The following NUAK2 variants were observed in gnomAD, a reference collection of about 807,000 sequenced individuals.
NUAK2 encodes the protein NUAK family SNF1-like kinase 2.
A neutral mutation model predicts 29.8 loss-of-function variants in NUAK2; 20 were observed. That is an observed-to-expected ratio of 0.67 (90% confidence interval 0.47 to 0.98). The LOEUF is 0.98. NUAK2 is among the 50% of genes least tolerant of loss of function. The pLI is 0.00. For synonymous variants in NUAK2, 331 were observed against 342.6 expected, an observed-to-expected ratio of 0.97 and a Z score of 0.37; for missense variants, 719 against 834.5, an observed-to-expected ratio of 0.86 and a Z score of 1.71.
At chr1:205,306,905 T>A (rs1042894442) in intron 4 of NUAK2, among the ~76,000 whole-genome samples, 3 of 152,310 alleles carry the variant, frequency 2.0e-5, no homozygotes, top group Non-Finnish European at 1.5e-5. Context: ...ACGTAAGACT[T>A]GAGCTGCCCT....
In NUAK2 at chr1:205,302,618, G is replaced by A. The variant is rs1305215796; in HGVS notation, c.*832C>T. 1 of 152,328 alleles carries A rather than the reference G, an allele frequency of 6.6e-6. No individual in the cohort carries two copies. The highest frequency in any genetic ancestry group is 1.5e-5 in the Non-Finnish European group (1 of 68,130). The allele number at this position is 152,328 out of a possible 1,614,324, so 9.4% of individuals were successfully genotyped here. A position where few individuals can be genotyped will look rare whatever the true frequency, so the allele number is the denominator to read the frequency against. ...TAAATAAGGAAGGGTTAGGTGGGGC[G>A]CGGTGGCTCACGCCTGTAATCCCAG... On this transcript the variant is annotated 3_prime_UTR_variant, in exon 7 of 7. Coordinates refer to ENST00000367157, the MANE Select transcript of NUAK2 (RefSeq NM_030952.3).
Position 205,321,723 on chromosome 1 carries a change from G to T in NUAK2, c.-95C>A. ...CACAGGTCCCGCACCAGGACGGGGA[G>T]CCACAGCAGTACCAGAGCGCGCAGT... On this transcript the variant is annotated 5_prime_UTR_variant, in exon 1 of 7. Coordinates refer to ENST00000367157, the MANE Select transcript of NUAK2 (RefSeq NM_030952.3). The T allele has an allele frequency of 1.0e-6, 1 of 994,774 alleles. No homozygotes were observed. Among genetic ancestry groups the T allele is most frequent in the Non-Finnish European group, 1.5e-6 (1 of 669,690 alleles). 61.6% of individuals were successfully genotyped at this position (994,774 alleles called of 1,614,324 possible). A position where few individuals can be genotyped will look rare whatever the true frequency, so the allele number is the denominator to read the frequency against.
At chr1:205,305,834 C>T (rs1299999353) in intron 5 of NUAK2, among the ~76,000 whole-genome samples, 5 of 152,176 alleles carry the variant, frequency 3.3e-5, no homozygotes, top group African/African-American at 1.2e-4. Context: ...GCCTCAGCCT[C>T]CCAAGTAACT....
rs139995235 is a variant in NUAK2 at position 205,317,096 on chromosome 1, A to C, written c.231+4302T>G. Among the ~76,000 whole-genome samples, 1,491 of 152,130 alleles carry C rather than the reference A, an allele frequency of 9.8e-3. 11 individuals carry two copies. Among genetic ancestry groups the C allele is most frequent in the Admixed American group, 0.016 (238 of 15,274 alleles). ...GTAGTATCACCAGCCACCCCATCCC[A>C]CTTACAGATATACAAATATGCCCAC... is the stretch of plus-strand genomic sequence containing the variant. On this transcript the variant is annotated intron_variant, in intron 1 of 6. Transcript: ENST00000367157.
chr1:205,319,534 G>A (rs908202610), intron 1 of NUAK2, among the ~76,000 whole-genome samples: 7 of 151,874 alleles, frequency 4.6e-5, no homozygotes, highest in Admixed American at 6.6e-5. Flanking sequence ...CAGTCCCCAC[G>A]ACCCAGTGTC....
At chr1:205,305,804 C>A (rs1662171794) in intron 5 of NUAK2, among the ~76,000 whole-genome samples, 1 of 152,166 alleles carries the variant, frequency 6.6e-6, no homozygotes. Context: ...CTCTGCCTCC[C>A]AGGTTCAAGT....
At position 205,306,243 on chromosome 1, in the gene NUAK2, C is replaced by A; in HGVS notation, c.635G>T (p.Ser212Ile). 6.2e-7 allele frequency: 1 copy of A among 1,613,990 alleles called. No homozygotes were observed. Among genetic ancestry groups the A allele is most frequent in the Non-Finnish European group, 8.5e-7 (1 of 1,179,910 alleles). ...AATCTCTGGCGAGGCATAGAGGGGG[C>A]TCCCACAGAATGTCTGCAGGAACTT... Reference protein sequence around the residue: ...QGKFLQTFCGSPLYASPEIVN... With the variant: ...QGKFLQTFCGIPLYASPEIVN... Residue 212 changes from serine (S) to isoleucine (I), a missense_variant, in exon 5 of 7, where the codon AGC becomes ATC. By Grantham distance (142) the Ser-to-Ile change is moderately radical (BLOSUM62 -2). This residue lies in a region of NUAK2 where 283 missense variants were observed against 345.6 expected (regional missense o/e 0.82). Coordinates refer to ENST00000367157, the MANE Select transcript of NUAK2 (RefSeq NM_030952.3).
rs187784589 is a variant in NUAK2 at position 205,305,187 on chromosome 1, C to A, written c.823+12G>T. 3.1e-6 allele frequency: 5 copies of A among 1,613,072 alleles called. No individual in the cohort carries two copies. The African/African-American group carries it at 6.7e-5, about 21-fold the overall frequency. The stretch of plus-strand genomic sequence containing the variant: ...CCAGGCCTGGATAAGAACGCCCACA[C>A]CTCTTACTCACCAGAGGGTTTAGGT... On this transcript the variant is annotated intron_variant, in intron 6 of 6. Coordinates refer to ENST00000367157, the MANE Select transcript of NUAK2 (RefSeq NM_030952.3).
chr1:205,321,624 T>G lies in NUAK2; in HGVS notation c.5A>C (p.Glu2Ala). 6.2e-7 allele frequency: 1 copy of G among 1,608,918 alleles called. No homozygotes were observed. Among genetic ancestry groups the G allele is most frequent in the South Asian group, 1.1e-5 (1 of 90,958 alleles). ...GGAGCGCCGCGCGAAAACCAGCGAC[T>G]CCATGGCGAGCAGGAGGTGAGCAAG... MESLVFARRSGP... is the reference protein window; with the variant it reads MASLVFARRSGP... The change falls in exon 1 of 7, where the codon GAG (glutamate) becomes GCG (alanine). Residue 2 changes from glutamate to alanine, a missense_variant. Glu to Ala is a moderately radical substitution (Grantham distance 107, BLOSUM62 -1). Transcript: ENST00000367157.
chr1:205,305,024 C>T (rs1365970214), intron 6 of NUAK2, among the ~76,000 whole-genome samples, 175 bp downstream of exon 6: 1 of 152,234 alleles, frequency 6.6e-6, no homozygotes, highest in Non-Finnish European at 1.5e-5. Flanking sequence ...AAAGAGCTAT[C>T]CCCTCCTTCC....
Position 205,306,214 on chromosome 1 carries a change from T to A in NUAK2, c.664A>T (p.Asn222Tyr), listed in dbSNP as rs150757729. 1 of 1,613,462 alleles carries A rather than the reference T, an allele frequency of 6.2e-7. No homozygotes were observed. Among genetic ancestry groups the A allele is most frequent in the Non-Finnish European group, 8.5e-7 (1 of 1,179,730 alleles). The change falls in exon 5 of 7, where the codon AAT becomes TAT. Residue 222 changes from asparagine (N) to tyrosine (Y), a missense_variant. Physicochemically the swap from Asn to Tyr is moderately radical, Grantham distance 143. Around this residue, in one of 3 missense-constraint regions of NUAK2, gnomAD observed 283 missense variants for 345.6 expected, o/e 0.82. Coordinates refer to ENST00000367157, the MANE Select transcript of NUAK2 (RefSeq NM_030952.3). ...TCTGGGCCTGTGTAGGGCTTCCCAT[T>A]GACAATCTCTGGCGAGGCATAGAGG... ...SPLYASPEIV[N>Y]GKPYTGPEVD...
rs754023622 is a variant in NUAK2 at position 205,303,684 on chromosome 1, A to C, written c.1653T>G (p.Ser551=). Residue 551 remains serine, a synonymous_variant, in exon 7 of 7, where the codon TCT becomes TCG. Coordinates refer to ENST00000367157, the MANE Select transcript of NUAK2 (RefSeq NM_030952.3). ...GAVSEDSILS[S]ESFDQLDLPE... is the part of the protein sequence containing the mutation. ...GCAAGTCCAGCTGGTCAAAGGACTC[A>C]GAGGACAGGATGCTGTCCTCGCTCA... 5.2e-6 allele frequency: 8 copies of C among 1,552,578 alleles called. No individual in the cohort carries two copies. The South Asian group carries it at 9.8e-5, about 19-fold the overall frequency.
chr1:205,321,383 G>T lies in NUAK2; in HGVS notation c.231+15C>A, dbSNP rs1166148940. The T allele has an allele frequency of 3.8e-6, 6 of 1,598,814 alleles. No individual in the cohort carries two copies. The highest frequency in any genetic ancestry group is 8.5e-7 in the Non-Finnish European group (1 of 1,172,098). On this transcript the variant is annotated intron_variant, in intron 1 of 6. Coordinates refer to ENST00000367157, the MANE Select transcript of NUAK2 (RefSeq NM_030952.3). ...CCGGAGCCCGCCCCGCGCCGCGAGA[G>T]GGAGCCGCACTCACCAGGCGCCCCG...
intron 1 of NUAK2, among the ~76,000 whole-genome samples, chr1:205,314,661 A>G (rs1410202422): frequency 6.6e-6 from 1 of 152,238 alleles, no homozygotes; most frequent in Non-Finnish European, 1.5e-5. Flanking sequence ...AAAATAAAAC[A>G]ATGGATAAAG....
rs535358451 is a variant in NUAK2, at chr1:205,311,773, A to G, written c.284T>C (p.Met95Thr). ...KDKIKDEQDL[M>T]HIRREIEIMS... is the part of the protein sequence containing the mutation. ...GATCTCAATCTCCCTCCGTATGTGCATCAGATCTTGCTCATCTTTGATTTT... is the reference window on the plus strand; with the variant it reads ...GATCTCAATCTCCCTCCGTATGTGCGTCAGATCTTGCTCATCTTTGATTTT... Residue 95 changes from methionine (M) to threonine (T), a missense_variant, in exon 2 of 7, where the codon ATG (methionine) becomes ACG (threonine). This residue lies in a region of NUAK2 where 283 missense variants were observed against 345.6 expected (regional missense o/e 0.82). Transcript: ENST00000367157. The G allele has an allele frequency of 6.2e-7, 1 of 1,614,182 alleles. No individual in the cohort carries two copies. Among genetic ancestry groups the G allele is most frequent in the East Asian group, 2.2e-5 (1 of 44,888 alleles).
In NUAK2 at chr1:205,308,482, G is replaced by A; in HGVS notation, c.504+99C>T. ...AATCTAGTTTTGCCTCTGTTTCTGT[G>A]TGATCCTGGACAAGTCATGGAACCT... On this transcript the variant is annotated intron_variant, in intron 3 of 6. Transcript: ENST00000367157. This position sits in a 1 kb window ranked among gnomAD's most constrained non-coding sequence, Gnocchi z 4.1. The A allele has an allele frequency of 7.5e-7, 1 of 1,333,728 alleles. No homozygotes were observed. Among genetic ancestry groups the A allele is most frequent in the Non-Finnish European group, 1.1e-6 (1 of 950,030 alleles). The allele number at this position is 1,333,728 out of a possible 1,614,324, so 82.6% of individuals were successfully genotyped here.
At chr1:205,313,317 A>C (rs139928018) in intron 1 of NUAK2, among the ~76,000 whole-genome samples, 1 of 152,090 alleles carries the variant, frequency 6.6e-6, no homozygotes, top group African/African-American at 2.4e-5. Context: ...CCTGACAACA[A>C]ACAACTCAAC....
intron 1 of NUAK2, among the ~76,000 whole-genome samples, chr1:205,315,235 G>T (rs1028113567): frequency 1.3e-5 from 2 of 152,160 alleles, no homozygotes; most frequent in African/African-American, 4.8e-5. Context: ...ACCCTGGTGG[G>T]GCTAGACCAC....
Position 205,303,453 on chromosome 1 carries a change from G to C in NUAK2, c.1884C>G (p.Thr628=), listed in dbSNP as rs545773027. The part of the protein sequence containing the change: ...RQALRVCSKL[T] The stretch of plus-strand genomic sequence containing the variant: ...GCTGGGGCAATGCCTACTCCACTCA[G>C]GTGAGCTTTGAGCAGACCCTCAGTG... The change falls in exon 7 of 7, where the codon ACC becomes ACG. Residue 628 remains threonine, a synonymous_variant. Transcript: ENST00000367157. 3.2e-5 allele frequency: 51 copies of C among 1,573,188 alleles called. No individual in the cohort carries two copies. Among genetic ancestry groups the C allele is most frequent in the Non-Finnish European group, 4.1e-5 (48 of 1,159,280 alleles).
Sources: gnomAD v4.1 joint callset for allele counts (sites outside exome capture counted in the v4.1 genomes callset) on GRCh38, gnomAD v4.1.1 for gene constraint, gnomAD v4.1.1 regional missense constraint, Gnocchi (gnomAD v3.1) non-coding constraint, MANE v1.5 for transcripts, NCBI Gene and HGNC (gene_info 2026-07-23, HGNC 2026-07-21) for gene names.